PDIA6: variants seen among roughly 807,000 people sequenced by gnomAD.
PDIA6 encodes the protein protein disulfide-isomerase A6.
Under a neutral mutation model 58.4 loss-of-function variants are expected in PDIA6, and 29 were observed. The observed-to-expected ratio is 0.50, with a 90% CI of 0.37 to 0.68. The LOEUF is 0.68. PDIA6 is among the 30% of genes least tolerant of loss of function. PDIA6 has a pLI of 0.00. For missense variants in PDIA6, 480 were observed against 551.0 expected (o/e 0.87, Z 1.29); for synonymous variants, 192 against 202.6 (o/e 0.95, Z 0.44).
At chr2:10,785,820 G>C (rs1244303490) in intron 11 of PDIA6, among the ~76,000 whole-genome samples, 1 of 152,134 alleles carries the variant, frequency 6.6e-6, no homozygotes, top group African/African-American at 2.4e-5. Context: ...CCACCTCCTG[G>C]GTGTGCCTCA....
At position 10,784,305 on chromosome 2, in the gene PDIA6, C is replaced by T; in HGVS notation, c.1276G>A (p.Asp426Asn). Residue 426 changes from aspartate (D) to asparagine (N), a missense_variant, in exon 13 of 13, where the codon GAC (aspartate) becomes AAC (asparagine). Asp to Asn is a conservative substitution (Grantham distance 23). Coordinates refer to ENST00000272227, the MANE Select transcript of PDIA6 (RefSeq NM_005742.4). ...DGELPVEDDIDLSDVELDDLG... is the reference protein window; with the variant it reads ...DGELPVEDDINLSDVELDDLG... Reference sequence around the variant, plus strand: ...TCATCAAGCTCCACATCACTGAGGTCAATGTCATCCTCCACGGGAAGCTGG... The same window carrying T: ...TCATCAAGCTCCACATCACTGAGGTTAATGTCATCCTCCACGGGAAGCTGG... 1 of 1,613,258 alleles carries T rather than the reference C, an allele frequency of 6.2e-7. No individual in the cohort carries two copies. Among genetic ancestry groups the T allele is most frequent in the Non-Finnish European group, 8.5e-7 (1 of 1,179,796 alleles).
chr2:10,833,286 C>T (rs1233920929), upstream of PDIA6, among the ~76,000 whole-genome samples: 5 of 152,148 alleles, frequency 3.3e-5, no homozygotes, highest in African/African-American at 4.8e-5. Flanking sequence ...TTTTCCCTGT[C>T]CGGTCCCTCT....
Position 10,802,761 on chromosome 2 carries a change from C to G in PDIA6, c.20-121G>C, listed in dbSNP as rs1666569536. 1.4e-5 allele frequency: 9 copies of G among 625,470 alleles called. No homozygotes were observed. The South Asian group carries it at 6.5e-4, about 45-fold the overall frequency. The allele number at this position is 625,470 out of a possible 1,614,324, so 38.7% of individuals were successfully genotyped here. ...CTTCACACAGGAGGACGGCCTAGCTCTGGCCCCTCTGCCCTTCCTGCTGCA... is the reference window on the plus strand; with the variant it reads ...CTTCACACAGGAGGACGGCCTAGCTGTGGCCCCTCTGCCCTTCCTGCTGCA... On this transcript the variant is annotated intron_variant, in intron 1 of 12. Coordinates refer to ENST00000272227, the MANE Select transcript of PDIA6 (RefSeq NM_005742.4).
chr2:10,825,842 G>T (rs1302727980), intron 1 of PDIA6, among the ~76,000 whole-genome samples: 1 of 152,196 alleles, frequency 6.6e-6, no homozygotes, highest in Non-Finnish European at 1.5e-5. Context: ...TTGGTGAAGA[G>T]GTGGAGAAAT....
chr2:10,834,732 C>CTCCCTCCT (rs1217424185), upstream of PDIA6, among the ~76,000 whole-genome samples: 607 of 36,398 alleles, frequency 0.017, 15 homozygotes, highest in African/African-American at 0.056. Flanking sequence ...CCTTCCTTCC[C>CTCCCTCCT]TCCTTCCTTC....
intron 1 of PDIA6, among the ~76,000 whole-genome samples, chr2:10,806,046 G>A (rs2451230): frequency 0.35 from 32,566 of 92,812 alleles, 5,233 homozygotes; most frequent in Middle Eastern, 0.47. Flanking sequence ...AAAAAAAAAC[G>A]AAAAAAACCT....
intron 5 of PDIA6, 54 bp from the exon 6 acceptor site, chr2:10,791,979 C>T: frequency 1.3e-6 from 2 of 1,573,170 alleles, no homozygotes; most frequent in Non-Finnish European, 1.7e-6. Context: ...AACACTTTTC[C>T]TGTTTTAAAT....
chr2:10,801,599 A>T (rs1666513932), intron 2 of PDIA6, among the ~76,000 whole-genome samples: 1 of 152,216 alleles, frequency 6.6e-6, no homozygotes, highest in Non-Finnish European at 1.5e-5. Context: ...CAGAGCCTTT[A>T]AAACAGTAAA....
At chr2:10,792,030 T>C in intron 5 of PDIA6, 105 bp from the exon 6 acceptor site, 2 of 1,196,152 alleles carry the variant, frequency 1.7e-6, no homozygotes, top group Non-Finnish European at 2.4e-6. Context: ...TTTAGGGTTT[T>C]TCTTTAGTGA....
Position 10,789,863 on chromosome 2 carries a change from T to C in PDIA6, c.726A>G (p.Ile242Met). 1 of 1,613,684 alleles carries C rather than the reference T, an allele frequency of 6.2e-7. No individual in the cohort carries two copies. The highest frequency in any genetic ancestry group is 8.5e-7 in the Non-Finnish European group (1 of 1,179,686). The change falls in exon 8 of 13, where the codon ATA (isoleucine) becomes ATG (methionine). Residue 242 changes from isoleucine (I) to methionine (M), a missense_variant. Transcript: ENST00000272227. ...CCACAGGAGACTCGCCTTTCTGAAA[T>C]ATCTTGATTGTAGGAAATCCTCTAA... The part of the protein sequence containing the change: ...YGIRGFPTIK[I>M]FQKGESPVDY...
At chr2:10,832,265 A>T in exon 1 of PDIA6, 1 of 259,666 alleles carries the variant, frequency 3.9e-6, no homozygotes, top group Non-Finnish European at 6.0e-6. Context: ...AGAACTGGCC[A>T]GATCCCAAAC....
chr2:10,786,662 C>T (rs1320669421), intron 11 of PDIA6, among the ~76,000 whole-genome samples: 1 of 152,192 alleles, frequency 6.6e-6, no homozygotes, highest in African/African-American at 2.4e-5. Context: ...GTGTGCTGAA[C>T]ATCTCTTATA....
rs1217870668 is a variant in PDIA6 at position 10,804,486 on chromosome 2, A to G, written c.20-1846T>C. ...TGTCAAAGATCAGATAGTTGTAGAC[A>G]GGCAGCGTTATTTCTGAGGGCTCTG... On this transcript the variant is annotated intron_variant, in intron 1 of 12. Transcript: ENST00000272227. Among the ~76,000 whole-genome samples the G allele has an allele frequency of 6.6e-4, 71 of 107,042 alleles. 11 individuals are homozygous for G. Among genetic ancestry groups the G allele is most frequent in the African/African-American group, 1.9e-3 (68 of 36,368 alleles). The allele number at this position is 107,042 out of a possible 152,430, so 70.2% of individuals were successfully genotyped here.
chr2:10,787,345 G>T lies in PDIA6; in HGVS notation c.1093C>A (p.Arg365Ser), dbSNP rs138012463. 1 of 1,614,132 alleles carries T rather than the reference G, an allele frequency of 6.2e-7. No individual in the cohort carries two copies. The highest frequency in any genetic ancestry group is 1.3e-5 in the African/African-American group (1 of 75,028). Reference sequence around the variant, plus strand: ...TTTAGCAGAGCAAATTTCATCTTGCGTGCATTGATGGCGGCCATGGCGGGG... The same window carrying T: ...TTTAGCAGAGCAAATTTCATCTTGCTTGCATTGATGGCGGCCATGGCGGGG... The part of the protein sequence containing the change: ...GYPAMAAINA[R>S]KMKFALLKGS... The change falls in exon 11 of 13, where the codon CGC (arginine) becomes AGC (serine). Residue 365 changes from arginine (R) to serine (S), a missense_variant. Physicochemically the swap from Arg to Ser is moderately radical, Grantham distance 110 (BLOSUM62 -1). Transcript: ENST00000272227.
At chr2:10,803,741 T>C (rs927459019) in intron 1 of PDIA6, among the ~76,000 whole-genome samples, 5 of 152,090 alleles carry the variant, frequency 3.3e-5, no homozygotes, top group African/African-American at 1.2e-4. Context: ...TTTCACCTTT[T>C]AAATTTACAT....
At chr2:10,837,482 C>T (rs1416538186), upstream of PDIA6, 2 of 697,960 alleles carry the variant, frequency 2.9e-6, no homozygotes, top group African/African-American at 3.5e-5. Context: ...GGTATGGAAA[C>T]TCCAGATGGT....
At chr2:10,834,241 A>C (rs1291909616), upstream of PDIA6, among the ~76,000 whole-genome samples, 2 of 152,274 alleles carry the variant, frequency 1.3e-5, no homozygotes, top group Non-Finnish European at 2.9e-5. Context: ...GAGCAGAGAC[A>C]AAAAAGGGAA....
At chr2:10,813,484 A>C (rs571560236), upstream of PDIA6, among the ~76,000 whole-genome samples, 3,235 of 152,124 alleles carry the variant, frequency 0.021, 71 homozygotes, top group African/African-American at 0.057. Flanking sequence ...GCAAAAGTGA[A>C]AAAAAATATG....
upstream of PDIA6, among the ~76,000 whole-genome samples, chr2:10,832,967 G>T (rs1667747495): frequency 6.6e-6 from 1 of 152,008 alleles, no homozygotes; most frequent in East Asian, 1.9e-4. Flanking sequence ...GACTCTGGAG[G>T]CTCCCAGAAC....
Sources: gnomAD v4.1 joint callset for allele counts (sites outside exome capture counted in the v4.1 genomes callset) on GRCh38, gnomAD v4.1.1 for gene constraint, MANE v1.5 for transcripts, NCBI Gene and HGNC (gene_info 2026-07-23, HGNC 2026-07-21) for gene names.